The following HSDL2 variants were observed in gnomAD, a reference collection of about 807,000 sequenced individuals.
HSDL2 encodes the protein hydroxysteroid dehydrogenase like 2.
A neutral mutation model predicts 46.3 loss-of-function variants in HSDL2; 27 were observed. The observed-to-expected ratio is 0.58, with a 90% confidence interval of 0.43 to 0.80. The LOEUF (loss-of-function observed/expected upper bound fraction) is 0.80. HSDL2 is among the 30% of genes least tolerant of loss of function. The probability of loss-of-function intolerance (pLI) is 0.00; values close to 1 mark genes in which losing one functional copy is unlikely to be tolerated. For missense variants in HSDL2, 451 were observed against 502.7 expected, an observed-to-expected ratio of 0.90 and a Z score of 0.98; for synonymous variants, 153 against 163.6, an observed-to-expected ratio of 0.94 and a Z score of 0.50.
chr9:112,431,227 G>A (rs1310820714), intron 6 of HSDL2, among the ~76,000 whole-genome samples: 1 of 152,090 alleles, frequency 6.6e-6, no homozygotes, highest in East Asian at 1.9e-4. Context: ...CAGTCATTAG[G>A]CAGCAGGCCT....
chr9:112,450,794 T>C (rs999618062), intron 8 of HSDL2, among the ~76,000 whole-genome samples: 1 of 152,152 alleles, frequency 6.6e-6, no homozygotes, highest in African/African-American at 2.4e-5. Context: ...AGTAGGTTCA[T>C]ATTGTTTTTT....
At chr9:112,460,384 G>A (rs565690107) in intron 10 of HSDL2, among the ~76,000 whole-genome samples, 3 of 152,116 alleles carry the variant, frequency 2.0e-5, no homozygotes, top group East Asian at 3.8e-4. Context: ...ATCTGTATAC[G>A]GTGTACTAAT....
chr9:112,452,767 C>T (rs1257683048), intron 8 of HSDL2, among the ~76,000 whole-genome samples: 5 of 151,950 alleles, frequency 3.3e-5, no homozygotes, highest in Non-Finnish European at 7.4e-5. Context: ...GGAACAGAGA[C>T]AGTATTGGGG....
At position 112,397,567 on chromosome 9, in the gene HSDL2, C is replaced by G. The variant is rs142390902; in HGVS notation, c.18-6428C>G. Among the ~76,000 whole-genome samples the G allele has an allele frequency of 1.7e-3, 259 of 152,284 alleles. 4 individuals carry two copies. Among genetic ancestry groups the G allele is most frequent in the African/African-American group, 6.0e-3 (251 of 41,562 alleles). On this transcript the variant is annotated intron_variant, in intron 1 of 10. Coordinates refer to ENST00000398805, the MANE Select transcript of HSDL2 (RefSeq NM_032303.5). The stretch of plus-strand genomic sequence containing the variant: ...CAAGTTCTCATACACACCTTTGTTA[C>G]TTGTTCCATGGTGAGAGCATCAAAG...
intron 1 of HSDL2, among the ~76,000 whole-genome samples, chr9:112,393,111 A>T (rs1831384185): frequency 6.6e-6 from 1 of 152,200 alleles, no homozygotes; most frequent in Non-Finnish European, 1.5e-5. Flanking sequence ...ACAGAGAAAC[A>T]TGATTCCAAA....
intron 10 of HSDL2, among the ~76,000 whole-genome samples, chr9:112,462,008 G>A (rs954640377): frequency 6.6e-6 from 1 of 152,312 alleles, no homozygotes; most frequent in Non-Finnish European, 1.5e-5. Flanking sequence ...TAGATCGGGA[G>A]CAAGTGAGTT....
At chr9:112,464,312 G>C (rs1213184417) in intron 10 of HSDL2, among the ~76,000 whole-genome samples, 2 of 152,080 alleles carry the variant, frequency 1.3e-5, no homozygotes, top group Non-Finnish European at 2.9e-5. Context: ...AATTCTGGAT[G>C]CATGTTCTTT....
At chr9:112,455,019 T>TA (rs1461879147) in intron 9 of HSDL2, among the ~76,000 whole-genome samples, 2 of 152,136 alleles carry the variant, frequency 1.3e-5, no homozygotes, top group African/African-American at 4.8e-5. Context: ...AGTTAGCTTT[T>TA]AAAAATCTCT....
intron 8 of HSDL2, among the ~76,000 whole-genome samples, chr9:112,442,741 A>G (rs1832669181): frequency 6.6e-6 from 1 of 150,982 alleles, no homozygotes; most frequent in Non-Finnish European, 1.5e-5. Flanking sequence ...TATGACTCTC[A>G]TCGATTTTTT....
At chr9:112,422,804 G>C (rs1412363210) in intron 6 of HSDL2, among the ~76,000 whole-genome samples, 4 of 152,146 alleles carry the variant, frequency 2.6e-5, no homozygotes, top group African/African-American at 9.7e-5. Context: ...AGACATCTGG[G>C]AGAACCTCAG....
At chr9:112,386,619 C>CA (rs752755307) in intron 1 of HSDL2, among the ~76,000 whole-genome samples, 66,533 of 145,000 alleles carry the variant, frequency 0.46, 15,489 homozygotes, top group African/African-American at 0.51. Context: ...CTGTCTCTAC[C>CA]AAAAAAAAAT....
chr9:112,426,270 C>G (rs926881110), intron 6 of HSDL2, among the ~76,000 whole-genome samples: 7 of 133,196 alleles, frequency 5.3e-5, no homozygotes, highest in Non-Finnish European at 7.7e-5. Context: ...GAGTCTTGCT[C>G]TGTCGCCCAG....
intron 1 of HSDL2, among the ~76,000 whole-genome samples, chr9:112,397,046 G>A (rs1831473503): frequency 6.6e-6 from 1 of 152,178 alleles, no homozygotes; most frequent in Non-Finnish European, 1.5e-5. Flanking sequence ...CTTGCCCAAT[G>A]TTTGCCTTTA....
chr9:112,454,860 C>T (rs375206360), intron 9 of HSDL2, among the ~76,000 whole-genome samples: 4 of 151,692 alleles, frequency 2.6e-5, no homozygotes, highest in African/African-American at 7.3e-5. Context: ...CACCCACCAC[C>T]ACACATGGCT....
At chr9:112,400,724 T>TC (rs1310018800) in intron 1 of HSDL2, among the ~76,000 whole-genome samples, 20 of 152,244 alleles carry the variant, frequency 1.3e-4, no homozygotes, top group African/African-American at 4.8e-4. Context: ...CTGTTGTAGT[T>TC]CTGGGTAGAA....
chr9:112,407,721 A>G (rs1831762947), intron 3 of HSDL2, among the ~76,000 whole-genome samples: 3 of 152,170 alleles, frequency 2.0e-5, no homozygotes, highest in Admixed American at 2.0e-4. Flanking sequence ...CCAGCCTTGA[A>G]TTTATTATTT....
chr9:112,381,274 CCTT>C (rs1831088289), intron 1 of HSDL2, among the ~76,000 whole-genome samples: 1 of 152,156 alleles, frequency 6.6e-6, no homozygotes. Context: ...GATGTTCCTC[CCTT>C]CTTAGCCTCT....
rs1209893135 is a variant in HSDL2, at chr9:112,438,644, T to C, written c.793+19T>C. The C allele has an allele frequency of 1.4e-6, 2 of 1,392,640 alleles. No homozygotes were observed. Among genetic ancestry groups the C allele is most frequent in the South Asian group, 1.3e-5 (1 of 76,866 alleles). 86.3% of individuals were successfully genotyped at this position (1,392,640 alleles called of 1,614,324 possible). On this transcript the variant is annotated intron_variant, in intron 7 of 10. Coordinates refer to ENST00000398805, the MANE Select transcript of HSDL2 (RefSeq NM_032303.5). ...AAACCAGGTAATGCTTTTATAGTTT[T>C]TAAAAGTAGTGATACGTTTTTCCAT...
intron 1 of HSDL2, among the ~76,000 whole-genome samples, chr9:112,402,959 ACAC>A: frequency 6.7e-6 from 1 of 150,258 alleles, no homozygotes; most frequent in Non-Finnish European, 1.5e-5. Flanking sequence ...AAAAAAAAAC[ACAC>A]ACACACACAC....
Sources: gnomAD v4.1 joint callset for allele counts (sites outside exome capture counted in the v4.1 genomes callset) on GRCh38, gnomAD v4.1.1 for gene constraint, MANE v1.5 for transcripts, NCBI Gene and HGNC (gene_info 2026-07-23, HGNC 2026-07-21) for gene names.